The following CADM1 variants were observed in gnomAD, a reference collection of about 807,000 sequenced individuals.
CADM1 encodes the protein cell adhesion molecule 1.
In CADM1, 15 loss-of-function variants were observed where a neutral mutation model predicts 53.1. The ratio of observed to expected loss-of-function variants is 0.28; its 90% CI spans 0.19 to 0.44. The LOEUF (loss-of-function observed/expected upper bound fraction) is 0.44. Among genes scored for constraint, CADM1 ranks in the 20% least tolerant of loss-of-function variants. The probability of loss-of-function intolerance (pLI) is 1.00; values close to 1 mark genes in which losing one functional copy is unlikely to be tolerated. For missense variants in CADM1, 434 were observed against 611.3 expected (o/e 0.71, Z 3.06); for synonymous variants, 281 against 243.0 (o/e 1.16, Z -1.45).
chr11:115,214,173 T>C (rs1941080512), intron 7 of CADM1, among the ~76,000 whole-genome samples: 1 of 152,234 alleles, frequency 6.6e-6, no homozygotes, highest in African/African-American at 2.4e-5. Flanking sequence ...CAACATCTTT[T>C]GGAATTAATA....
rs934875997 is a variant in CADM1 at position 115,214,612 on chromosome 11, T to C, written c.990A>G (p.Val330=). The C allele has an allele frequency of 1.9e-6, 3 of 1,613,618 alleles. No homozygotes were observed. Among genetic ancestry groups the C allele is most frequent in the Non-Finnish European group, 2.5e-6 (3 of 1,179,650 alleles). ...GCATTTTATCTTCTCACGTACCGTATACATACAGCATATAATCCGAGTGAG... is the reference window on the plus strand; with the variant it reads ...GCATTTTATCTTCTCACGTACCGTACACATACAGCATATAATCCGAGTGAG... ...GKAHSDYMLY[V]YDPPTTIPPP... Residue 330 remains valine, a synonymous_variant, in exon 7 of 12, where the codon GTA becomes GTG. Transcript: ENST00000331581.
chr11:115,328,749 GAAT>G (rs1945053367), intron 1 of CADM1, among the ~76,000 whole-genome samples: 1 of 16,764 alleles, frequency 6.0e-5, no homozygotes, highest in African/African-American at 1.3e-4. Context: ...TATATATATA[GAAT>G]CCAATCTCTT....
intron 8 of CADM1, among the ~76,000 whole-genome samples, chr11:115,208,221 T>G (rs1940789163): frequency 6.6e-6 from 1 of 152,182 alleles, no homozygotes; most frequent in African/African-American, 2.4e-5. Flanking sequence ...CAGAAGATTT[T>G]AAATTAAGTG....
intron 1 of CADM1, among the ~76,000 whole-genome samples, chr11:115,285,596 A>C (rs1417731830): frequency 6.6e-6 from 1 of 152,214 alleles, no homozygotes; most frequent in African/African-American, 2.4e-5. Context: ...ATATAAAGAA[A>C]AATTTAACAC....
At chr11:115,296,130 T>G (rs1289791214) in intron 1 of CADM1, among the ~76,000 whole-genome samples, 1 of 152,264 alleles carries the variant, frequency 6.6e-6, no homozygotes, top group East Asian at 1.9e-4. Context: ...TTTTTTGGCC[T>G]TAGTAAGACA....
At chr11:115,270,208 A>G (rs1943259110) in intron 1 of CADM1, among the ~76,000 whole-genome samples, 1 of 152,226 alleles carries the variant, frequency 6.6e-6, no homozygotes, top group East Asian at 1.9e-4. Flanking sequence ...ATTTCATATC[A>G]GACACTTTGA....
chr11:115,369,482 G>C (rs1309801272), intron 1 of CADM1, among the ~76,000 whole-genome samples: 1 of 152,086 alleles, frequency 6.6e-6, no homozygotes, highest in Non-Finnish European at 1.5e-5. Context: ...CATAGTCACA[G>C]TTTTATTTTT....
At chr11:115,482,285 C>T (rs761788875) in intron 1 of CADM1, among the ~76,000 whole-genome samples, 9 of 152,164 alleles carry the variant, frequency 5.9e-5, no homozygotes, top group Non-Finnish European at 1.0e-4. Context: ...TGAACTATAT[C>T]TATTATGGTT....
chr11:115,424,552 G>C (rs939840051), intron 1 of CADM1, among the ~76,000 whole-genome samples: 2 of 151,920 alleles, frequency 1.3e-5, no homozygotes, highest in African/African-American at 4.8e-5. Context: ...TTTTGAGATG[G>C]AGTCTCGCAC....
intron 1 of CADM1, among the ~76,000 whole-genome samples, chr11:115,493,283 A>C (rs1053266152): frequency 2.0e-5 from 3 of 151,856 alleles, no homozygotes; most frequent in African/African-American, 4.8e-5. Context: ...TTTTCTAAAA[A>C]AAAAAAAAAA....
chr11:115,309,265 TG>T (rs1475997059), intron 1 of CADM1, among the ~76,000 whole-genome samples: 1 of 152,078 alleles, frequency 6.6e-6, no homozygotes, highest in Non-Finnish European at 1.5e-5. Context: ...CTTTTAAAGT[TG>T]TCAACGCTCC....
intron 1 of CADM1, among the ~76,000 whole-genome samples, chr11:115,267,401 C>T (rs1306503832): frequency 6.6e-6 from 1 of 152,180 alleles, no homozygotes; most frequent in African/African-American, 2.4e-5. Context: ...CAGCCGTATT[C>T]TCAGACGAGG....
At chr11:115,286,029 C>A (rs1229343211) in intron 1 of CADM1, among the ~76,000 whole-genome samples, 1 of 152,184 alleles carries the variant, frequency 6.6e-6, no homozygotes, top group Non-Finnish European at 1.5e-5. Context: ...TCAAAGGCCA[C>A]AGACACCTGT....
At chr11:115,456,376 T>C (rs888519015) in intron 1 of CADM1, among the ~76,000 whole-genome samples, 1 of 151,854 alleles carries the variant, frequency 6.6e-6, no homozygotes, top group African/African-American at 2.4e-5. Context: ...CTTGATAGGG[T>C]CAGGGAGGAG....
intron 1 of CADM1, among the ~76,000 whole-genome samples, chr11:115,364,855 T>C (rs1427417154): frequency 3.3e-5 from 5 of 152,228 alleles, no homozygotes; most frequent in Non-Finnish European, 7.3e-5. Context: ...CTTATTAATG[T>C]TGGCGTGTAC....
At chr11:115,275,507 C>T (rs989509294) in intron 1 of CADM1, among the ~76,000 whole-genome samples, 10 of 152,140 alleles carry the variant, frequency 6.6e-5, no homozygotes, top group Admixed American at 6.5e-4. Flanking sequence ...ATTTGTATGG[C>T]ATATAAGATT....
chr11:115,312,798 C>A (rs1337622145), intron 1 of CADM1, among the ~76,000 whole-genome samples: 1 of 152,086 alleles, frequency 6.6e-6, no homozygotes, highest in Non-Finnish European at 1.5e-5. Flanking sequence ...ACTCTGACAA[C>A]CCTTTGTTTG....
intron 1 of CADM1, among the ~76,000 whole-genome samples, chr11:115,349,186 A>C (rs993483297): frequency 3.3e-5 from 5 of 152,240 alleles, no homozygotes; most frequent in Non-Finnish European, 7.3e-5. Flanking sequence ...GCCGCATCCC[A>C]GTAAAACAGA....
intron 1 of CADM1, among the ~76,000 whole-genome samples, chr11:115,248,127 G>A (rs1054213122): frequency 1.3e-5 from 2 of 152,192 alleles, no homozygotes; most frequent in African/African-American, 4.8e-5. Flanking sequence ...ACCTTTGTGT[G>A]TATTGGTTTT....
Sources: gnomAD v4.1 joint callset for allele counts (sites outside exome capture counted in the v4.1 genomes callset) on GRCh38, gnomAD v4.1.1 for gene constraint, MANE v1.5 for transcripts, NCBI Gene and HGNC (gene_info 2026-07-23, HGNC 2026-07-21) for gene names.